ADAMTSL1: variants seen among roughly 807,000 people sequenced by gnomAD.
ADAMTSL1 encodes the protein ADAMTS like 1.
In ADAMTSL1, 126 loss-of-function variants were observed where a neutral mutation model predicts 201.8. The observed-to-expected ratio is 0.62, with a 90% CI of 0.54 to 0.72. The LOEUF (loss-of-function observed/expected upper bound fraction) is 0.72. Among genes scored for constraint, ADAMTSL1 ranks in the 30% least tolerant of loss-of-function variants. ADAMTSL1 has a pLI of 0.00. For missense variants in ADAMTSL1, 2,679 were observed against 2,277.8 expected, an observed-to-expected ratio of 1.18 and a Z score of -3.59; for synonymous variants, 1,121 against 903.4, an observed-to-expected ratio of 1.24 and a Z score of -4.32.
At chr9:18,181,291 C>A (rs1212904736) in intron 2 of ADAMTSL1, among the ~76,000 whole-genome samples, 1 of 152,190 alleles carries the variant, frequency 6.6e-6, no homozygotes, top group African/African-American at 2.4e-5. Context: ...CAAATGGGAT[C>A]TCATTAAACT....
At chr9:18,621,733 G>A (rs1826045890) in intron 4 of ADAMTSL1, among the ~76,000 whole-genome samples, 1 of 152,102 alleles carries the variant, frequency 6.6e-6, no homozygotes, top group Non-Finnish European at 1.5e-5. Flanking sequence ...TGTTCTCACT[G>A]CTTGGAATAC....
At chr9:18,195,566 T>C (rs1829142910) in intron 2 of ADAMTSL1, among the ~76,000 whole-genome samples, 1 of 152,142 alleles carries the variant, frequency 6.6e-6, no homozygotes, top group Non-Finnish European at 1.5e-5. Flanking sequence ...TTAAAAATTA[T>C]TCTCTTTGAA....
intron 1 of ADAMTSL1, among the ~76,000 whole-genome samples, chr9:18,127,403 G>GA (rs943637395): frequency 1.3e-5 from 2 of 151,820 alleles, no homozygotes; most frequent in African/African-American, 2.4e-5. Context: ...GTGGATTGGA[G>GA]AAAAAATTAA....
At chr9:18,156,138 T>C (rs941889541) in intron 1 of ADAMTSL1, among the ~76,000 whole-genome samples, 2 of 151,966 alleles carry the variant, frequency 1.3e-5, no homozygotes, top group East Asian at 1.9e-4. Flanking sequence ...TGCTGTAGTA[T>C]CTCTGCTATG....
At chr9:18,017,076 G>C (rs757956490) in intron 1 of ADAMTSL1, among the ~76,000 whole-genome samples, 1 of 151,788 alleles carries the variant, frequency 6.6e-6, no homozygotes, top group Non-Finnish European at 1.5e-5. Flanking sequence ...TTCAACACTG[G>C]GACCCATGCA....
chr9:18,646,970 G>C (rs900356565), intron 7 of ADAMTSL1, among the ~76,000 whole-genome samples: 27 of 152,248 alleles, frequency 1.8e-4, no homozygotes, highest in African/African-American at 4.6e-4. Flanking sequence ...AATGGTACCA[G>C]TTCCTCCTTG....
At chr9:18,740,630 C>T (rs548412143) in intron 15 of ADAMTSL1, among the ~76,000 whole-genome samples, 6 of 152,066 alleles carry the variant, frequency 3.9e-5, no homozygotes, top group African/African-American at 1.4e-4. Flanking sequence ...GCACACAACA[C>T]CAAGCCCAGA....
intron 1 of ADAMTSL1, among the ~76,000 whole-genome samples, chr9:18,036,778 G>T (rs1261379986): frequency 1.3e-5 from 2 of 152,158 alleles, no homozygotes; most frequent in Non-Finnish European, 2.9e-5. Flanking sequence ...CCAAAGTTCA[G>T]ACCACATTAT....
At chr9:18,258,994 C>T (rs1831806911) in intron 2 of ADAMTSL1, among the ~76,000 whole-genome samples, 1 of 152,216 alleles carries the variant, frequency 6.6e-6, no homozygotes, top group Non-Finnish European at 1.5e-5. Flanking sequence ...CTTGACGACT[C>T]CCTTCTTGAC....
At chr9:18,859,402 C>G (rs1054087828) in intron 23 of ADAMTSL1, among the ~76,000 whole-genome samples, 1 of 152,194 alleles carries the variant, frequency 6.6e-6, no homozygotes, top group African/African-American at 2.4e-5. Context: ...GGCCTACTTG[C>G]ATAATCGAGG....
chr9:18,141,640 T>C (rs1356374998), intron 1 of ADAMTSL1, among the ~76,000 whole-genome samples: 2 of 152,122 alleles, frequency 1.3e-5, no homozygotes, highest in African/African-American at 4.8e-5. Flanking sequence ...GGCCTGCTCT[T>C]TGTGGCAGCC....
At chr9:18,539,091 C>G (rs1212857140) in intron 3 of ADAMTSL1, among the ~76,000 whole-genome samples, 1 of 152,290 alleles carries the variant, frequency 6.6e-6, no homozygotes, top group South Asian at 2.1e-4. Context: ...CTTTCCCATA[C>G]TCTAGTCCTT....
intron 2 of ADAMTSL1, among the ~76,000 whole-genome samples, chr9:18,418,228 C>G (rs1463645573): frequency 1.3e-5 from 2 of 152,098 alleles, no homozygotes; most frequent in East Asian, 1.9e-4. Flanking sequence ...AAAAACCCAA[C>G]CAAACAAACA....
At chr9:18,456,281 T>C (rs1209173993) in intron 2 of ADAMTSL1, among the ~76,000 whole-genome samples, 1 of 152,210 alleles carries the variant, frequency 6.6e-6, no homozygotes, top group African/African-American at 2.4e-5. Flanking sequence ...ATAAGTGGCC[T>C]TGGTCCTTAA....
At chr9:18,435,053 G>T (rs1819665196) in intron 2 of ADAMTSL1, among the ~76,000 whole-genome samples, 1 of 152,190 alleles carries the variant, frequency 6.6e-6, no homozygotes, top group South Asian at 2.1e-4. Context: ...ATGCATAAAA[G>T]AGTCAAAGAG....
At chr9:17,914,365 A>G (rs1826004176) in intron 1 of ADAMTSL1, among the ~76,000 whole-genome samples, 1 of 152,236 alleles carries the variant, frequency 6.6e-6, no homozygotes, top group Non-Finnish European at 1.5e-5. Context: ...GGCTGGTTCA[A>G]TATACGTAAA....
intron 15 of ADAMTSL1, among the ~76,000 whole-genome samples, chr9:18,740,332 G>A (rs1818747627): frequency 6.6e-6 from 1 of 151,990 alleles, no homozygotes; most frequent in African/African-American, 2.4e-5. Context: ...GCTGCCCAAA[G>A]CACCACTGCT....
In ADAMTSL1 at chr9:18,811,264, T is replaced by A. The variant is rs116845254; in HGVS notation, c.3806-5845T>A. On this transcript the variant is annotated intron_variant, in intron 20 of 28. Coordinates refer to ENST00000380548, the MANE Select transcript of ADAMTSL1 (RefSeq NM_001040272.6). Reference sequence around the variant, plus strand: ...CCCTCATGGAGGGGAGTATCAGAGATTTTCAGTCCTCGTTCATTACACCTA... The same window carrying A: ...CCCTCATGGAGGGGAGTATCAGAGAATTTCAGTCCTCGTTCATTACACCTA... Among the ~76,000 whole-genome samples the A allele has an allele frequency of 1.2e-3, 177 of 152,072 alleles. 2 individuals are homozygous for A. In the East Asian group the frequency reaches 0.028, roughly 24 times the overall value.
intron 2 of ADAMTSL1, among the ~76,000 whole-genome samples, chr9:18,304,142 C>T (rs994697941): frequency 1.3e-5 from 2 of 151,918 alleles, no homozygotes; most frequent in African/African-American, 4.8e-5. Context: ...AAAACAGTGG[C>T]TTTCACTTTT....
Sources: allele counts gnomAD v4.1 joint callset (sites outside exome capture counted in the v4.1 genomes callset), GRCh38; gene constraint gnomAD v4.1.1; transcripts MANE v1.5; gene names NCBI Gene and HGNC (gene_info 2026-07-23, HGNC 2026-07-21).